PPP6R2: variants seen among roughly 807,000 people sequenced by gnomAD.
The protein encoded by PPP6R2 is protein phosphatase 6 regulatory subunit 2.
A neutral mutation model predicts 100.2 loss-of-function variants in PPP6R2; 62 were observed. The observed-to-expected ratio is 0.62, with a 90% confidence interval of 0.50 to 0.76. PPP6R2 has a LOEUF of 0.76. PPP6R2 is among the 30% of genes least tolerant of loss of function. The pLI is 0.00. For synonymous variants in PPP6R2, 525 were observed against 514.7 expected (o/e 1.02, Z -0.27); for missense variants, 1,142 against 1,276.3 (o/e 0.89, Z 1.60).
chr22:50,338,875 G>C (rs2042334767), upstream of PPP6R2, among the ~76,000 whole-genome samples: 1 of 138,768 alleles, frequency 7.2e-6, no homozygotes, highest in Admixed American at 7.1e-5. Context: ...GTGGTATGTA[G>C]TGTGTGTGTT....
At chr22:50,384,399 C>CA (rs1003015443) in intron 2 of PPP6R2, among the ~76,000 whole-genome samples, 3 of 152,048 alleles carry the variant, frequency 2.0e-5, no homozygotes, top group African/African-American at 7.2e-5. Flanking sequence ...ACTAAAAATA[C>CA]AAAAAATTAG....
intron 19 of PPP6R2, among the ~76,000 whole-genome samples, chr22:50,439,281 A>C (rs1234889740): frequency 6.6e-6 from 1 of 152,146 alleles, no homozygotes; most frequent in African/African-American, 2.4e-5. Flanking sequence ...AGCAAGGGTG[A>C]CACCCTGGGG....
chr22:50,393,549 A>AGGAGGGC (rs1207686064), intron 2 of PPP6R2: 1 of 944,750 alleles, frequency 1.1e-6, no homozygotes, highest in Non-Finnish European at 1.3e-6. Context: ...AGTGTGGGGA[A>AGGAGGGC]GGAGGGCAAA....
At chr22:50,338,321 GGT>G (rs574307447), upstream of PPP6R2, among the ~76,000 whole-genome samples, 177 of 104,986 alleles carry the variant, frequency 1.7e-3, 1 homozygote, top group South Asian at 5.5e-3. Flanking sequence ...TGTGGTGTGT[GGT>G]GTGTGTGTGG....
intron 6 of PPP6R2, among the ~76,000 whole-genome samples, chr22:50,418,085 A>G (rs1344022658): frequency 6.6e-6 from 1 of 152,242 alleles, no homozygotes; most frequent in African/African-American, 2.4e-5. Context: ...TACAGGACTC[A>G]TTCTGAATAA....
chr22:50,424,497 A>AGCGTGTGGAAGGTCTGTCC (rs1220878687), intron 10 of PPP6R2, among the ~76,000 whole-genome samples: 1 of 145,800 alleles, frequency 6.9e-6, no homozygotes, highest in Non-Finnish European at 1.5e-5. Context: ...AACGTCTGTC[A>AGCGTGTGGAAGGTCTGTCC]GCGTGTGGAA....
intron 2 of PPP6R2, among the ~76,000 whole-genome samples, chr22:50,388,614 C>T (rs773587275): frequency 6.6e-6 from 1 of 152,020 alleles, no homozygotes; most frequent in Non-Finnish European, 1.5e-5. Context: ...TGGCTCACGC[C>T]TATAATCCCA....
chr22:50,337,236 TTGG>T, the PPP6R2 span, among the ~76,000 whole-genome samples: 4 of 138,122 alleles, frequency 2.9e-5, no homozygotes, highest in Non-Finnish European at 4.6e-5. Context: ...GTGTGGTGTA[TTGG>T]TGTGTGTGTG....
chr22:50,336,532 T>C, the PPP6R2 span, among the ~76,000 whole-genome samples: 6 of 152,156 alleles, frequency 3.9e-5, no homozygotes, highest in South Asian at 8.3e-4. Context: ...TGCATCACCA[T>C]GCCCAGCTAA....
rs774314617 is a variant in PPP6R2 at position 50,441,017 on chromosome 22, C to T, written c.2570C>T (p.Ala857Val). Residue 857 changes from alanine to valine, a missense_variant, in exon 22 of 24, where the codon GCT (alanine) becomes GTT (valine). Transcript: ENST00000612753. ...CCCACAGTGGCCAGGACAGAGGAGG[C>T]TGTCGGCAGGTGTGTGGGGCGTGGC... Reference protein sequence around the residue: ...PLPTVARTEEAVGRVGCADSR... With the variant: ...PLPTVARTEEVVGRVGCADSR... 5 of 1,588,838 alleles carry T rather than the reference C, an allele frequency of 3.1e-6. No individual in the cohort carries two copies. Among genetic ancestry groups the T allele is most frequent in the South Asian group, 1.1e-5 (1 of 89,808 alleles).
rs1434876694 is a variant in PPP6R2 at position 50,439,997 on chromosome 22, C to T, written c.2322C>T (p.Asp774=). The T allele has an allele frequency of 2.5e-6, 4 of 1,613,480 alleles. No individual in the cohort carries two copies. The highest frequency in any genetic ancestry group is 1.3e-5 in the African/African-American group (1 of 74,948). The change falls in exon 21 of 24, where the codon GAC becomes GAT. Residue 774 remains aspartate, a synonymous_variant. Transcript: ENST00000612753. ...GGCCCAGGTGCAGCTCTCCGGTGGA[C>T]ACAGAATGCAGCCATGCTGAGGGCA... ...ESGPRCSSPV[D]TECSHAEGSR... is the part of the protein sequence containing the mutation.
the PPP6R2 span, among the ~76,000 whole-genome samples, chr22:50,335,237 T>G: frequency 0.42 from 55,839 of 132,320 alleles, 12,370 homozygotes; most frequent in African/African-American, 0.63. Context: ...TTTTTTTTTT[T>G]TTTTTTTAGT....
intron 4 of PPP6R2, among the ~76,000 whole-genome samples, chr22:50,414,331 GCCCCCCCCCCCCC>G (rs57634612): frequency 0.02 from 530 of 26,818 alleles, 121 homozygotes; most frequent in African/African-American, 0.037. Flanking sequence ...CTGTGCAGTG[GCCCCCCCCCCCCC>G]CCCCCCGCCC....
chr22:50,390,879 A>T (rs1248312985), intron 2 of PPP6R2, among the ~76,000 whole-genome samples: 4 of 148,808 alleles, frequency 2.7e-5, no homozygotes, highest in Non-Finnish European at 6.0e-5. Flanking sequence ...CACGCCTGTA[A>T]TCCCAGCTAC....
rs531173681 is a variant in PPP6R2 at position 50,431,646 on chromosome 22, G to A, written c.1335+264G>A. On this transcript the variant is annotated intron_variant, in intron 11 of 23. Coordinates refer to ENST00000612753, the MANE Select transcript of PPP6R2 (RefSeq NM_001242898.2). This position sits in a 1 kb window ranked among gnomAD's most constrained non-coding sequence, Gnocchi z 4.8. Reference sequence around the variant, plus strand: ...CAAGGGTTAGCACTGGATGAGATGAGTTCAGTCTGGCCTCCAGCTGGAGGC... The same window carrying A: ...CAAGGGTTAGCACTGGATGAGATGAATTCAGTCTGGCCTCCAGCTGGAGGC... Among the ~76,000 whole-genome samples the A allele has an allele frequency of 2.2e-4, 33 of 152,298 alleles. No individual in the cohort carries two copies. In the South Asian group the frequency reaches 6.8e-3, roughly 32 times the overall value.
At chr22:50,424,630 CTTCTTTTTTTT>C in intron 10 of PPP6R2, among the ~76,000 whole-genome samples, 1 of 101,334 alleles carries the variant, frequency 9.9e-6, no homozygotes, top group African/African-American at 3.8e-5. Context: ...TTTCCCTCTT[CTTCTTTTTTTT>C]TTTTTTTTTT....
intron 2 of PPP6R2, chr22:50,389,216 TCC>T (rs749403574): frequency 1.3e-5 from 2 of 152,318 alleles, no homozygotes; most frequent in South Asian, 2.1e-4. Flanking sequence ...TGTTGAGACT[TCC>T]GATGTAACCA....
intron 1 of PPP6R2, among the ~76,000 whole-genome samples, chr22:50,356,579 G>A (rs2046636245): frequency 6.6e-6 from 1 of 152,058 alleles, no homozygotes; most frequent in African/African-American, 2.4e-5. Flanking sequence ...TTTCTTTTGA[G>A]TAAACAGGAG....
rs373910985 is a variant in PPP6R2, at chr22:50,433,388, T to C, written c.1400+1059T>C. Reference sequence around the variant, plus strand: ...CGCTGGGCAGGGGCCGGGCATTTGCTCTGGAGGTGAACCTGGAGGAGGGCT... The same window carrying C: ...CGCTGGGCAGGGGCCGGGCATTTGCCCTGGAGGTGAACCTGGAGGAGGGCT... On this transcript the variant is annotated intron_variant, in intron 12 of 23. Transcript: ENST00000612753. Among the ~76,000 whole-genome samples the C allele has an allele frequency of 1.0e-4, 7 of 69,950 alleles. 1 individual carries two copies. The highest frequency in any genetic ancestry group is 3.1e-4 in the Admixed American group (2 of 6,528). The allele number at this position is 69,950 out of a possible 152,430, so 45.9% of individuals were successfully genotyped here.
Sources: allele counts gnomAD v4.1 joint callset (sites outside exome capture counted in the v4.1 genomes callset), GRCh38; gene constraint gnomAD v4.1.1; non-coding constraint Gnocchi (gnomAD v3.1); transcripts MANE v1.5; gene names NCBI Gene and HGNC (gene_info 2026-07-23, HGNC 2026-07-21).